The following PLEKHA6 variants were observed in gnomAD, a reference collection of about 807,000 sequenced individuals.
PLEKHA6 encodes the protein pleckstrin homology domain-containing family A member 6.
PLEKHA6 carries 60 observed loss-of-function variants against 116.7 expected under a neutral mutation model. The observed-to-expected ratio is 0.51, with a 90% CI of 0.42 to 0.64. The LOEUF is 0.64. Ranked by LOEUF, PLEKHA6 falls within the 30% of genes least tolerant of loss-of-function variation. The pLI is 0.00. For synonymous variants in PLEKHA6, 489 were observed against 556.1 expected, an observed-to-expected ratio of 0.88 and a Z score of 1.70; for missense variants, 1,338 against 1,422.7, an observed-to-expected ratio of 0.94 and a Z score of 0.96.
intron 1 of PLEKHA6, among the ~76,000 whole-genome samples, chr1:204,295,316 C>T (rs998789191): frequency 6.6e-6 from 1 of 151,982 alleles, no homozygotes. Context: ...ATAATGAAAC[C>T]CTGTTTCTAC....
intron 17 of PLEKHA6, among the ~76,000 whole-genome samples, chr1:204,237,910 A>G (rs2102517681): frequency 6.6e-6 from 1 of 152,374 alleles, no homozygotes; most frequent in African/African-American, 2.4e-5. Flanking sequence ...AGACATTTGC[A>G]TGCCAGAGGA....
chr1:204,368,998 G>T (rs564871313), intron 2 of PLEKHA6: 1 of 152,302 alleles, frequency 6.6e-6, no homozygotes, highest in Non-Finnish European at 1.5e-5. Context: ...AGAGTGGCAG[G>T]TCCAGTTTCT....
chr1:204,259,497 G>A lies in PLEKHA6; in HGVS notation c.768C>T (p.Gly256=), dbSNP rs765855549. The A allele has an allele frequency of 9.3e-6, 15 of 1,614,004 alleles. No individual in the cohort carries two copies. The highest frequency in any genetic ancestry group is 2.2e-5 in the East Asian group (1 of 44,886). ...ASEPGSPYPE[G]PRVPGGGEQP... is the part of the protein sequence containing the mutation. The stretch of plus-strand genomic sequence containing the variant: ...GTTCCCCACCCCCTGGCACTCTTGG[G>A]CCCTCGGGGTAAGGGCTGCCCGGCT... Residue 256 remains glycine, a synonymous_variant, in exon 8 of 23, where the codon GGC becomes GGT. Coordinates refer to ENST00000272203, the MANE Select transcript of PLEKHA6 (RefSeq NM_014935.5). The surrounding 1 kb of genome is among the most constrained non-coding windows in gnomAD (Gnocchi z 4.6).
Position 204,245,736 on chromosome 1 carries a change from C to G in PLEKHA6, c.1921-10G>C, listed in dbSNP as rs1663564375. 1.3e-6 allele frequency: 2 copies of G among 1,583,770 alleles called. No homozygotes were observed. The highest frequency in any genetic ancestry group is 1.3e-5 in the African/African-American group (1 of 74,304). ...GGTTCAGCACCTCATTCTGAAGCAG[C>G]CACACAGTGAGTCAAAGGAAATGGC... On this transcript the variant is annotated splice_polypyrimidine_tract_variant and intron_variant, in intron 13 of 22. Transcript: ENST00000272203.
chr1:204,320,551 T>C (rs1451365153), intron 1 of PLEKHA6: 1 of 893,994 alleles, frequency 1.1e-6, no homozygotes, highest in Non-Finnish European at 1.3e-6. Flanking sequence ...GGCTTCTCTC[T>C]GGAATTTCCC....
At chr1:204,224,642 A>G (rs1180141503) in intron 21 of PLEKHA6, among the ~76,000 whole-genome samples, 1 of 152,206 alleles carries the variant, frequency 6.6e-6, no homozygotes, top group Non-Finnish European at 1.5e-5. Context: ...TTCTGCCTAT[A>G]CACGATACAA....
chr1:204,342,223 TG>T (rs1672870349), intron 1 of PLEKHA6, among the ~76,000 whole-genome samples: 1 of 151,896 alleles, frequency 6.6e-6, no homozygotes. Context: ...AAAAACATTA[TG>T]AGCTGAGCAC....
chr1:204,346,253 T>A (rs1213386907), intron 1 of PLEKHA6, among the ~76,000 whole-genome samples: 2 of 152,166 alleles, frequency 1.3e-5, no homozygotes, highest in Non-Finnish European at 2.9e-5. Flanking sequence ...GTGACTAGAT[T>A]TCTGCACTGT....
chr1:204,364,029 G>A (rs567965884), upstream of PLEKHA6, among the ~76,000 whole-genome samples: 66 of 152,292 alleles, frequency 4.3e-4, no homozygotes, highest in Non-Finnish European at 8.8e-4. Context: ...TACCCTGAAA[G>A]AAAGAGCTTT....
chr1:204,345,026 G>C (rs1672983809), intron 1 of PLEKHA6, among the ~76,000 whole-genome samples: 1 of 152,204 alleles, frequency 6.6e-6, no homozygotes, highest in Non-Finnish European at 1.5e-5. Flanking sequence ...ACTCTTTCAA[G>C]ATATTGTGTT....
intron 17 of PLEKHA6, among the ~76,000 whole-genome samples, chr1:204,234,413 T>C (rs976959302): frequency 2.0e-5 from 3 of 152,214 alleles, no homozygotes; most frequent in Admixed American, 6.5e-5. Flanking sequence ...TCCTGGTTTG[T>C]GGTAATTTGT....
At chr1:204,308,405 G>A (rs4076664) in intron 1 of PLEKHA6, among the ~76,000 whole-genome samples, 28,268 of 151,940 alleles carry the variant, frequency 0.19, 3,328 homozygotes, top group East Asian at 0.58. Flanking sequence ...GTGACAGAGC[G>A]AGACCCTGTC....
intron 1 of PLEKHA6, among the ~76,000 whole-genome samples, chr1:204,358,288 G>A (rs1673470054): frequency 6.6e-6 from 1 of 152,196 alleles, no homozygotes; most frequent in Non-Finnish European, 1.5e-5. Context: ...GGTGCCTTCA[G>A]CCCCTCCTGC....
intron 8 of PLEKHA6, among the ~76,000 whole-genome samples, chr1:204,258,100 A>C (rs372829314): frequency 6.6e-5 from 10 of 152,308 alleles, no homozygotes; most frequent in African/African-American, 2.4e-4. Context: ...TTGCCTCTTT[A>C]AAATGACATA....
At chr1:204,276,607 G>A (rs888412022) in intron 1 of PLEKHA6, among the ~76,000 whole-genome samples, 1 of 150,652 alleles carries the variant, frequency 6.6e-6, no homozygotes, top group African/African-American at 2.4e-5. Context: ...AATGGTAACT[G>A]CTGGAATCTT....
intron 1 of PLEKHA6, among the ~76,000 whole-genome samples, chr1:204,325,333 C>T (rs1429352775): frequency 6.6e-6 from 1 of 152,088 alleles, no homozygotes; most frequent in Admixed American, 6.5e-5. Context: ...TAGAGGGCTG[C>T]CAGGGGGAGA....
intron 5 of PLEKHA6, among the ~76,000 whole-genome samples, chr1:204,265,561 A>G (rs1200675754): frequency 6.6e-6 from 1 of 152,224 alleles, no homozygotes; most frequent in Non-Finnish European, 1.5e-5. Context: ...CTCCAAAGCT[A>G]GCATTGTTGA....
At chr1:204,241,955 CTGG>C in intron 15 of PLEKHA6, 141 bp from the exon 16 acceptor site, 1 of 904,456 alleles carries the variant, frequency 1.1e-6, no homozygotes, top group Non-Finnish European at 1.8e-6. Flanking sequence ...TGTGTGCCGC[CTGG>C]GAGGCGGACA....
chr1:204,321,333 T>C (rs1184491894), intron 1 of PLEKHA6, among the ~76,000 whole-genome samples: 2 of 151,962 alleles, frequency 1.3e-5, no homozygotes, highest in Admixed American at 6.6e-5. Flanking sequence ...AGGACGCAAA[T>C]TGATTGTGCC....
Sources: allele counts gnomAD v4.1 joint callset (sites outside exome capture counted in the v4.1 genomes callset), GRCh38; gene constraint gnomAD v4.1.1; non-coding constraint Gnocchi (gnomAD v3.1); transcripts MANE v1.5; gene names NCBI Gene and HGNC (gene_info 2026-07-23, HGNC 2026-07-21).